Variants in SUB1 observed in about 807,000 individuals in gnomAD.
SUB1 encodes SUB1 regulator of transcription, also known as activated RNA polymerase II transcriptional coactivator p15.
Under a neutral mutation model 16.9 loss-of-function variants are expected in SUB1, and 1 was observed. The observed-to-expected ratio is 0.06, with a 90% CI of 0.02 to 0.28. SUB1 has a LOEUF of 0.28. Ranked by LOEUF, SUB1 falls within the 10% of genes least tolerant of loss-of-function variation. SUB1 has a pLI of 1.00. For missense variants in SUB1, 84 were observed against 145.2 expected (o/e 0.58, Z 2.16); for synonymous variants, 51 against 46.9 (o/e 1.09, Z -0.36).
chr5:32,594,629 G>T (rs539595436), intron 3 of SUB1: 1 of 454,564 alleles, frequency 2.2e-6, no homozygotes, highest in Admixed American at 2.4e-5. Context: ...AGCGGTGTGT[G>T]AGTGAACATT....
rs1261864272 is a variant in SUB1 at position 32,588,536 on chromosome 5, T to C, written c.24T>C (p.Val8=). 6.2e-7 allele frequency: 1 copy of C among 1,613,016 alleles called. No homozygotes were observed. Among genetic ancestry groups the C allele is most frequent in the South Asian group, 1.1e-5 (1 of 90,988 alleles). Residue 8 remains valine, a synonymous_variant, in exon 2 of 5, where the codon GTT becomes GTC. Transcript: ENST00000265073. ...GGATGCCTAAATCAAAGGAACTTGT[T>C]TCTTCAAGCTCTTCTGGCAGTGATT... The part of the protein sequence containing the change: MPKSKEL[V]SSSSSGSDSD...
chr5:32,600,298 C>T (rs1739083855), intron 4 of SUB1, among the ~76,000 whole-genome samples: 1 of 152,202 alleles, frequency 6.6e-6, no homozygotes, highest in Admixed American at 6.5e-5. Flanking sequence ...TGGAAGAACT[C>T]AGCACAATTG....
intron 3 of SUB1, among the ~76,000 whole-genome samples, chr5:32,592,743 C>G (rs1738861532): frequency 6.6e-6 from 1 of 152,044 alleles, no homozygotes; most frequent in Non-Finnish European, 1.5e-5. Flanking sequence ...TCTGTAGCAC[C>G]TGAAGGGCTT....
chr5:32,599,262 G>A (rs1739056919), intron 4 of SUB1, among the ~76,000 whole-genome samples, 193 bp downstream of exon 4: 1 of 151,974 alleles, frequency 6.6e-6, no homozygotes, highest in African/African-American at 2.4e-5. Context: ...ACAGCTTTTG[G>A]GAATAAAACC....
At position 32,599,056 on chromosome 5, in the gene SUB1, A is replaced by G; in HGVS notation, c.291A>G (p.Lys97=). 6.2e-7 allele frequency: 1 copy of G among 1,613,114 alleles called. No homozygotes were observed. The highest frequency in any genetic ancestry group is 8.5e-7 in the Non-Finnish European group (1 of 1,179,420). The change falls in exon 4 of 5, where the codon AAA becomes AAG. Residue 97 remains lysine (K), a synonymous_variant. Transcript: ENST00000265073. ...EYWMDPEGEM[K]PGRKGISLNP... ...GGATGGATCCTGAAGGTGAAATGAA[A>G]CCAGGAAGAAAAGGTGAGGTCTAAT...
rs1738844764 is a variant in SUB1 at position 32,592,171 on chromosome 5, T to C, written c.195+486T>C. Among the ~76,000 whole-genome samples, 4 of 152,248 alleles carry C rather than the reference T, an allele frequency of 2.6e-5. No individual in the cohort carries two copies. In the South Asian group the frequency reaches 8.3e-4, roughly 32 times the overall value. The stretch of plus-strand genomic sequence containing the variant: ...AGTATTTTGTACGATGCTGGATTAT[T>C]GTTAAAGTCTCTAAAGTCTAGTTTT... On this transcript the variant is annotated intron_variant, in intron 3 of 4. Coordinates refer to ENST00000265073, the MANE Select transcript of SUB1 (RefSeq NM_006713.4).
chr5:32,589,667 C>T (rs377402605), intron 2 of SUB1, among the ~76,000 whole-genome samples: 13 of 152,106 alleles, frequency 8.5e-5, no homozygotes, highest in African/African-American at 2.9e-4. Flanking sequence ...TCAAGTCTTC[C>T]GTGCAGAATT....
intron 1 of SUB1, chr5:32,586,300 C>T (rs1318933297): frequency 6.6e-6 from 1 of 152,216 alleles, no homozygotes; most frequent in Non-Finnish European, 1.5e-5. Context: ...TCCTGTTATA[C>T]CGAAGTCGTG....
intron 4 of SUB1, 112 bp downstream of exon 4, chr5:32,599,181 C>A: frequency 1.4e-6 from 1 of 713,290 alleles, no homozygotes; most frequent in South Asian, 1.7e-5. Flanking sequence ...GAGTCTTACT[C>A]AATTGATTCT....
chr5:32,596,223 C>G (rs1262340418), intron 3 of SUB1: 2 of 152,184 alleles, frequency 1.3e-5, no homozygotes, highest in African/African-American at 2.4e-5. Context: ...ATGAGGTCCT[C>G]ACGGATTCTG....
chr5:32,592,847 G>T (rs1171342462), intron 3 of SUB1, among the ~76,000 whole-genome samples: 1 of 152,132 alleles, frequency 6.6e-6, no homozygotes, highest in Non-Finnish European at 1.5e-5. Context: ...CAGATGAGGG[G>T]ATGTCTTGGG....
At chr5:32,588,076 A>G (rs1040914345) in intron 1 of SUB1, among the ~76,000 whole-genome samples, 20 of 146,892 alleles carry the variant, frequency 1.4e-4, no homozygotes, top group African/African-American at 5.5e-4. Flanking sequence ...TCAGTTCCCC[A>G]TAGTGAATAA....
rs2111692777 is a variant in SUB1 at position 32,602,150 on chromosome 5, T to G, written c.*1066T>G. 4.5e-6 allele frequency: 2 copies of G among 444,920 alleles called. No individual in the cohort carries two copies. The highest frequency in any genetic ancestry group is 1.6e-5 in the South Asian group (1 of 62,290). The allele number at this position is 444,920 out of a possible 1,614,324, so 27.6% of individuals were successfully genotyped here. A position where few individuals can be genotyped will look rare whatever the true frequency, so the allele number is the denominator to read the frequency against. On this transcript the variant is annotated 3_prime_UTR_variant, in exon 5 of 5. Transcript: ENST00000265073. ...ATTCTAGACTTGATGATACTAAGTT[T>G]TAGCAGACACTAGTAAGTGGTTTGT...
intron 1 of SUB1, among the ~76,000 whole-genome samples, chr5:32,587,528 C>A (rs1738703410): frequency 6.6e-6 from 1 of 152,010 alleles, no homozygotes; most frequent in South Asian, 2.1e-4. Flanking sequence ...TTGCACCTCC[C>A]ATAAATAGGT....
chr5:32,601,372 T>C lies in SUB1; in HGVS notation c.*288T>C, dbSNP rs377098975. 31 of 262,954 alleles carry C rather than the reference T, an allele frequency of 1.2e-4. No homozygotes were observed. Among genetic ancestry groups the C allele is most frequent in the South Asian group, 7.3e-4 (11 of 15,150 alleles). 16.3% of individuals were successfully genotyped at this position (262,954 alleles called of 1,614,324 possible). ...TTTTGATCATAAGAGTTGGTACTGT[T>C]TAAGGCCAAAAGTAACAGTTTTTAT... On this transcript the variant is annotated 3_prime_UTR_variant, in exon 5 of 5. Transcript: ENST00000265073.
At chr5:32,593,038 G>T (rs763230027) in intron 3 of SUB1, among the ~76,000 whole-genome samples, 1 of 151,980 alleles carries the variant, frequency 6.6e-6, no homozygotes, top group African/African-American at 2.4e-5. Context: ...TTGAGACAGG[G>T]TCTCTGCTCT....
Position 32,591,588 on chromosome 5 carries a change from C to T in SUB1, c.98C>T (p.Pro33Leu). The T allele has an allele frequency of 6.2e-7, 1 of 1,603,450 alleles. No homozygotes were observed. Among genetic ancestry groups the T allele is most frequent in the Non-Finnish European group, 8.5e-7 (1 of 1,176,302 alleles). Residue 33 changes from proline (P) to leucine (L), a missense_variant, in exon 3 of 5, where the codon CCA (proline) becomes CTA (leucine). By Grantham distance (98) the Pro-to-Leu change is moderately conservative. Coordinates refer to ENST00000265073, the MANE Select transcript of SUB1 (RefSeq NM_006713.4). ...TTAAAGAGGAAAAAGCAAGTTGCTC[C>T]AGAAAAACCTGTAAAGAAACAAAAG... is the stretch of plus-strand genomic sequence containing the variant. Reference protein sequence around the residue: ...KKLKRKKQVAPEKPVKKQKTG... With the variant: ...KKLKRKKQVALEKPVKKQKTG...
rs757290923 is a variant in SUB1, at chr5:32,585,591, C to G, written c.-36C>G. On this transcript the variant is annotated 5_prime_UTR_variant, in exon 1 of 5. Coordinates refer to ENST00000265073, the MANE Select transcript of SUB1 (RefSeq NM_006713.4). Reference sequence around the variant, plus strand: ...TCTCTGTCAGTCGCGAGCGAACGACCAAGAGGGTGTTCGACTGCTAGAGCC... The same window carrying G: ...TCTCTGTCAGTCGCGAGCGAACGACGAAGAGGGTGTTCGACTGCTAGAGCC... 7 of 152,354 alleles carry G rather than the reference C, an allele frequency of 4.6e-5. No homozygotes were observed. The South Asian group carries it at 6.2e-4, about 14-fold the overall frequency. The allele number at this position is 152,354 out of a possible 1,614,324, so 9.4% of individuals were successfully genotyped here. A position where few individuals can be genotyped will look rare whatever the true frequency, so the allele number is the denominator to read the frequency against.
Position 32,598,978 on chromosome 5 carries a change from C to T in SUB1, c.213C>T (p.Tyr71=), listed in dbSNP as rs371394657. ...DNMFQIGKMR[Y]VSVRDFKGKV... is the part of the protein sequence containing the mutation. ...TTTTGCAGATTGGGAAAATGAGGTACGTTAGTGTTCGCGATTTTAAAGGCA... is the reference window on the plus strand; with the variant it reads ...TTTTGCAGATTGGGAAAATGAGGTATGTTAGTGTTCGCGATTTTAAAGGCA... Residue 71 remains tyrosine, a synonymous_variant, in exon 4 of 5, where the codon TAC becomes TAT. Coordinates refer to ENST00000265073, the MANE Select transcript of SUB1 (RefSeq NM_006713.4). The T allele has an allele frequency of 1.6e-5, 26 of 1,612,714 alleles. No individual in the cohort carries two copies. The highest frequency in any genetic ancestry group is 2.0e-5 in the Non-Finnish European group (24 of 1,179,288).
Sources: allele counts gnomAD v4.1 joint callset (sites outside exome capture counted in the v4.1 genomes callset), GRCh38; gene constraint gnomAD v4.1.1; transcripts MANE v1.5; gene names NCBI Gene and HGNC (gene_info 2026-07-23, HGNC 2026-07-21).